SDK1: variants seen among roughly 807,000 people sequenced by gnomAD.
SDK1 encodes sidekick cell adhesion molecule 1, also known as protein sidekick-1.
Under a neutral mutation model 245.5 loss-of-function variants are expected in SDK1, and 157 were observed. That is an observed-to-expected ratio of 0.64 (90% CI 0.56 to 0.73). SDK1 has a LOEUF of 0.73. SDK1 is among the 30% of genes least tolerant of loss of function. The pLI is 0.00. For synonymous variants in SDK1, 1,647 were observed against 1,278.5 expected (o/e 1.29, Z -6.15); for missense variants, 3,583 against 3,002.3 (o/e 1.19, Z -4.52).
intron 35 of SDK1, among the ~76,000 whole-genome samples, chr7:4,189,387 G>T: frequency 6.6e-6 from 1 of 152,182 alleles, no homozygotes; most frequent in Non-Finnish European, 1.5e-5. Context: ...AGCAAAAAGA[G>T]CAACATAGGT....
intron 1 of SDK1, among the ~76,000 whole-genome samples, chr7:3,604,622 G>C (rs1252019517): frequency 1.0e-5 from 1 of 100,472 alleles, no homozygotes; most frequent in Non-Finnish European, 2.0e-5. Context: ...TTTTTTTTGA[G>C]ACAGAGTTTT....
chr7:3,993,709 T>C (rs1275024618), intron 14 of SDK1, among the ~76,000 whole-genome samples: 1 of 152,184 alleles, frequency 6.6e-6, no homozygotes, highest in African/African-American at 2.4e-5. Context: ...CTCCAGGACT[T>C]GGCTCCCTCT....
At chr7:3,447,921 C>G (rs1780394090) in intron 1 of SDK1, among the ~76,000 whole-genome samples, 1 of 151,636 alleles carries the variant, frequency 6.6e-6, no homozygotes, top group Non-Finnish European at 1.5e-5. Flanking sequence ...TCAGGCTGGT[C>G]TCGAATTCCC....
In SDK1 at chr7:4,219,208, T is replaced by C. The variant is rs553083418; in HGVS notation, c.5540-901T>C. On this transcript the variant is annotated intron_variant, in intron 38 of 44. Coordinates refer to ENST00000404826, the MANE Select transcript of SDK1 (RefSeq NM_152744.4). ...CACAGATGAAGTTCTTATGACTCAT[T>C]TGAGGCCTGTAGGCCGCAAGTTGGC... Among the ~76,000 whole-genome samples the C allele has an allele frequency of 2.0e-5, 3 of 152,366 alleles. No homozygotes were observed. The South Asian group carries it at 6.2e-4, about 32-fold the overall frequency.
At chr7:3,789,635 A>T (rs1781018177) in intron 4 of SDK1, among the ~76,000 whole-genome samples, 1 of 152,234 alleles carries the variant, frequency 6.6e-6, no homozygotes, top group Non-Finnish European at 1.5e-5. Context: ...CTTCTGATCA[A>T]ACATGGAGCA....
At chr7:4,214,454 C>G (rs1784677981) in intron 38 of SDK1, among the ~76,000 whole-genome samples, 1 of 152,226 alleles carries the variant, frequency 6.6e-6, no homozygotes, top group South Asian at 2.1e-4. Context: ...TTGCGAAGGG[C>G]TGGTTCCTTC....
intron 22 of SDK1, among the ~76,000 whole-genome samples, chr7:4,093,914 C>G (rs138736483): frequency 2.6e-5 from 4 of 152,122 alleles, no homozygotes; most frequent in African/African-American, 9.7e-5. Context: ...AAGCCTCTTG[C>G]GATACACCTC....
intron 1 of SDK1, among the ~76,000 whole-genome samples, chr7:3,549,380 C>T (rs1779330344): frequency 1.3e-5 from 2 of 152,200 alleles, no homozygotes; most frequent in South Asian, 4.1e-4. Context: ...GAGAAATAAT[C>T]TTGCCAAGTA....
At chr7:3,890,143 C>T (rs1477907849) in intron 5 of SDK1, among the ~76,000 whole-genome samples, 1 of 152,218 alleles carries the variant, frequency 6.6e-6, no homozygotes, top group Non-Finnish European at 1.5e-5. Context: ...CAGTTGGTAG[C>T]TGAGCAGGGA....
chr7:3,566,381 C>T (rs748412028), intron 1 of SDK1, among the ~76,000 whole-genome samples: 25 of 152,070 alleles, frequency 1.6e-4, no homozygotes, highest in Non-Finnish European at 2.8e-4. Context: ...CCCGCCATCA[C>T]GCCCAGCTAA....
intron 4 of SDK1, among the ~76,000 whole-genome samples, chr7:3,662,028 A>T (rs1783378111): frequency 6.9e-6 from 1 of 145,196 alleles, no homozygotes; most frequent in Non-Finnish European, 1.5e-5. Flanking sequence ...ATAGAGGAAG[A>T]GGCAACGGTT....
rs527809132 is a variant in SDK1 at position 3,654,608 on chromosome 7, G to A, written c.713+12503G>A. On this transcript the variant is annotated intron_variant, in intron 4 of 44. Coordinates refer to ENST00000404826, the MANE Select transcript of SDK1 (RefSeq NM_152744.4). The stretch of plus-strand genomic sequence containing the variant: ...AGGTCACTCAAGTGTCTTCTCTTTT[G>A]GTGATGCTTGTTGGGCACCTGTCTG... Among the ~76,000 whole-genome samples the A allele has an allele frequency of 2.6e-5, 4 of 152,268 alleles. No individual in the cohort carries two copies. In the South Asian group the frequency reaches 8.3e-4, roughly 32 times the overall value.
intron 1 of SDK1, among the ~76,000 whole-genome samples, chr7:3,542,040 A>T (rs1779068060): frequency 6.6e-6 from 1 of 152,248 alleles, no homozygotes; most frequent in African/African-American, 2.4e-5. Flanking sequence ...TGTACCCTCA[A>T]AATTAAAGTA....
chr7:3,763,161 G>A (rs1313764520), intron 4 of SDK1, among the ~76,000 whole-genome samples: 2 of 151,984 alleles, frequency 1.3e-5, no homozygotes, highest in Admixed American at 1.3e-4. Context: ...AATTTGTCTT[G>A]GATAAACTGT....
intron 40 of SDK1, among the ~76,000 whole-genome samples, chr7:4,225,163 G>A (rs1003670135): frequency 1.3e-5 from 2 of 151,986 alleles, no homozygotes; most frequent in African/African-American, 2.4e-5. Flanking sequence ...GATCTCGACC[G>A]CATCCCTGCC....
At chr7:3,627,446 C>T (rs150078851) in intron 2 of SDK1, among the ~76,000 whole-genome samples, 2 of 152,254 alleles carry the variant, frequency 1.3e-5, no homozygotes, top group East Asian at 3.9e-4. Flanking sequence ...CTGGCCTAGT[C>T]AATGAGCAGA....
Position 4,114,174 on chromosome 7 carries a change from G to A in SDK1, c.3723G>A (p.Glu1241=). 1 of 1,614,192 alleles carries A rather than the reference G, an allele frequency of 6.2e-7. No individual in the cohort carries two copies. Among genetic ancestry groups the A allele is most frequent in the Non-Finnish European group, 8.5e-7 (1 of 1,180,042 alleles). ...DRLEREFTIE[E]LEEWMEYELQ... is the part of the protein sequence containing the mutation. ...TGGAGAGAGAATTCACCATCGAGGA[G>A]CTGGAGGAGTGGATGGAATACGAGC... Residue 1241 remains glutamate, a synonymous_variant, in exon 25 of 45, where the codon GAG becomes GAA. Coordinates refer to ENST00000404826, the MANE Select transcript of SDK1 (RefSeq NM_152744.4).
intron 32 of SDK1, among the ~76,000 whole-genome samples, chr7:4,165,231 C>T (rs1562376428): frequency 6.6e-6 from 1 of 151,966 alleles, no homozygotes; most frequent in Non-Finnish European, 1.5e-5. Context: ...TGGTGATGGG[C>T]GCCTGTAATC....
At chr7:4,142,431 C>T (rs1215876590) in intron 28 of SDK1, among the ~76,000 whole-genome samples, 1 of 152,044 alleles carries the variant, frequency 6.6e-6, no homozygotes, top group African/African-American at 2.4e-5. Flanking sequence ...CGGGTTCAAG[C>T]GATTCTCCTG....
Sources: gnomAD v4.1 joint callset for allele counts (sites outside exome capture counted in the v4.1 genomes callset) on GRCh38, gnomAD v4.1.1 for gene constraint, MANE v1.5 for transcripts, NCBI Gene and HGNC (gene_info 2026-07-23, HGNC 2026-07-21) for gene names.